The following ASB7 variants were observed in gnomAD, a reference collection of about 807,000 sequenced individuals.
ASB7 encodes the protein ankyrin repeat and SOCS box containing 7.
Under a neutral mutation model 32.5 loss-of-function variants are expected in ASB7, and 4 were observed. The observed-to-expected ratio is 0.12, with a 90% CI of 0.06 to 0.28. The LOEUF (loss-of-function observed/expected upper bound fraction) is 0.28. Ranked by LOEUF, ASB7 falls within the 10% of genes least tolerant of loss-of-function variation. The pLI is 1.00. For synonymous variants in ASB7, 172 were observed against 155.6 expected, an observed-to-expected ratio of 1.11 and a Z score of -0.78; for missense variants, 181 against 407.1, an observed-to-expected ratio of 0.44 and a Z score of 4.78.
At chr15:100,632,318 G>A (rs765833908) in intron 5 of ASB7, among the ~76,000 whole-genome samples, 7 of 152,184 alleles carry the variant, frequency 4.6e-5, no homozygotes, top group African/African-American at 7.2e-5. Flanking sequence ...AGGGTCCTCC[G>A]TCTGTTAAGG....
chr15:100,616,404 G>A (rs997305729), intron 4 of ASB7, among the ~76,000 whole-genome samples: 2 of 152,092 alleles, frequency 1.3e-5, no homozygotes, highest in Non-Finnish European at 1.5e-5. Context: ...TGCCCTTGGT[G>A]TCTTGTTTAG....
intron 4 of ASB7, among the ~76,000 whole-genome samples, chr15:100,624,859 C>G (rs2039823929): frequency 1.3e-5 from 2 of 151,692 alleles, no homozygotes; most frequent in Admixed American, 6.6e-5. Flanking sequence ...CAATAGATAC[C>G]AAAATTCCTA....
intron 4 of ASB7, among the ~76,000 whole-genome samples, chr15:100,626,893 G>A (rs1350470387): frequency 6.6e-6 from 1 of 152,130 alleles, no homozygotes; most frequent in Non-Finnish European, 1.5e-5. Context: ...TTCCAGAAAT[G>A]ACAAAACTTT....
In ASB7 at chr15:100,651,572, C is replaced by T. The variant is rs1308360478; in HGVS notation, c.*3110C>T. On this transcript the variant is annotated 3_prime_UTR_variant, in exon 6 of 6. Coordinates refer to ENST00000332783, the MANE Select transcript of ASB7 (RefSeq NM_198243.3). Reference sequence around the variant, plus strand: ...AGCCCAGAATGTGATTGGGATAAGGCCATTTGCCCACAAATTTAGCTTTCA... The same window carrying T: ...AGCCCAGAATGTGATTGGGATAAGGTCATTTGCCCACAAATTTAGCTTTCA... 1 of 152,132 alleles carries T rather than the reference C, an allele frequency of 6.6e-6. No homozygotes were observed. Among genetic ancestry groups the T allele is most frequent in the Non-Finnish European group, 1.5e-5 (1 of 68,026 alleles). The allele number at this position is 152,132 out of a possible 1,614,324, so 9.4% of individuals were successfully genotyped here.
At chr15:100,646,398 C>T (rs186041071) in intron 5 of ASB7, 19 of 393,576 alleles carry the variant, frequency 4.8e-5, no homozygotes, top group African/African-American at 1.2e-4. Flanking sequence ...TGTACTTCTC[C>T]GCGTATTCTC....
intron 5 of ASB7, among the ~76,000 whole-genome samples, chr15:100,640,345 A>G (rs1402242358): frequency 6.6e-6 from 1 of 152,196 alleles, no homozygotes; most frequent in Admixed American, 6.5e-5. Flanking sequence ...GGGTTTCGCC[A>G]TGATGGTCAG....
chr15:100,615,236 A>G (rs1250345608), intron 4 of ASB7, among the ~76,000 whole-genome samples: 1 of 152,252 alleles, frequency 6.6e-6, no homozygotes, highest in Non-Finnish European at 1.5e-5. Context: ...GTTAAGTAGT[A>G]TATATGACTG....
intron 5 of ASB7, among the ~76,000 whole-genome samples, chr15:100,643,653 C>G (rs923760617): frequency 9.3e-5 from 14 of 151,212 alleles, no homozygotes; most frequent in African/African-American, 3.4e-4. Flanking sequence ...CCACGCCTGG[C>G]TAATTTTTTT....
intron 5 of ASB7, among the ~76,000 whole-genome samples, chr15:100,632,317 C>T (rs984632718): frequency 6.6e-6 from 1 of 152,122 alleles, no homozygotes; most frequent in Non-Finnish European, 1.5e-5. Flanking sequence ...CAGGGTCCTC[C>T]GTCTGTTAAG....
At chr15:100,642,785 C>T (rs538424482) in intron 5 of ASB7, among the ~76,000 whole-genome samples, 201 of 152,360 alleles carry the variant, frequency 1.3e-3, no homozygotes, top group African/African-American at 4.6e-3. Context: ...GCCTGCCATC[C>T]CAGCACCTTG....
intron 4 of ASB7, among the ~76,000 whole-genome samples, chr15:100,624,233 A>G (rs549824520): frequency 6.6e-6 from 1 of 152,206 alleles, no homozygotes; most frequent in Non-Finnish European, 1.5e-5. Flanking sequence ...TCTGACGTTC[A>G]ATAGCAGAAT....
chr15:100,614,929 A>G (rs568330197), intron 4 of ASB7, among the ~76,000 whole-genome samples: 1 of 152,204 alleles, frequency 6.6e-6, no homozygotes, highest in Non-Finnish European at 1.5e-5. Flanking sequence ...TACGTGCAGC[A>G]TAAGGACATT....
intron 4 of ASB7, among the ~76,000 whole-genome samples, chr15:100,622,390 A>G (rs529425580): frequency 2.4e-4 from 37 of 152,316 alleles, no homozygotes; most frequent in East Asian, 9.6e-4. Context: ...ATCCAAGGCA[A>G]TTGGTAGATT....
chr15:100,631,305 T>C (rs1450769496), intron 5 of ASB7, among the ~76,000 whole-genome samples: 1 of 152,214 alleles, frequency 6.6e-6, no homozygotes, highest in Non-Finnish European at 1.5e-5. Context: ...AACTGAAATT[T>C]CAATTTTATT....
intron 2 of ASB7, among the ~76,000 whole-genome samples, chr15:100,603,797 G>T (rs1464180148): frequency 6.6e-6 from 1 of 152,196 alleles, no homozygotes; most frequent in Admixed American, 6.5e-5. Flanking sequence ...CAACGATTTG[G>T]TAGAGAAAGG....
chr15:100,642,758 C>T (rs776679249), intron 5 of ASB7, among the ~76,000 whole-genome samples: 2 of 152,230 alleles, frequency 1.3e-5, no homozygotes, highest in Admixed American at 6.5e-5. Flanking sequence ...CTCTTGCGGC[C>T]GGGCGCGGTG....
intron 4 of ASB7, among the ~76,000 whole-genome samples, chr15:100,621,811 A>G (rs557185093): frequency 6.6e-6 from 1 of 152,164 alleles, no homozygotes; most frequent in South Asian, 2.1e-4. Context: ...AAAACAAATA[A>G]GGATTCTTTG....
chr15:100,638,038 T>C (rs901210225), intron 5 of ASB7, among the ~76,000 whole-genome samples: 1 of 152,092 alleles, frequency 6.6e-6, no homozygotes, highest in Non-Finnish European at 1.5e-5. Flanking sequence ...TTTAAAAATT[T>C]CTCAATTTCT....
At chr15:100,644,864 C>T (rs2039987127) in intron 5 of ASB7, among the ~76,000 whole-genome samples, 1 of 152,178 alleles carries the variant, frequency 6.6e-6, no homozygotes, top group African/African-American at 2.4e-5. Context: ...GATCCATGTA[C>T]AGACATCTGT....
Sources: allele counts gnomAD v4.1 joint callset (sites outside exome capture counted in the v4.1 genomes callset), GRCh38; gene constraint gnomAD v4.1.1; transcripts MANE v1.5; gene names NCBI Gene and HGNC (gene_info 2026-07-23, HGNC 2026-07-21).